Variants in CNTNAP2 observed in about 807,000 individuals in gnomAD.
CNTNAP2 encodes the protein contactin-associated protein-like 2.
In CNTNAP2, 98 loss-of-function variants were observed where a neutral mutation model predicts 155.2. The ratio of observed to expected loss-of-function variants is 0.63; its 90% CI spans 0.54 to 0.75. The LOEUF is 0.75. Ranked by LOEUF, CNTNAP2 falls within the 30% of genes least tolerant of loss-of-function variation. The pLI, the probability that CNTNAP2 is intolerant of heterozygous loss-of-function variation, is 0.00. For missense variants in CNTNAP2, 1,727 were observed against 1,688.1 expected, an observed-to-expected ratio of 1.02 and a Z score of -0.40; for synonymous variants, 651 against 631.2, an observed-to-expected ratio of 1.03 and a Z score of -0.47.
intron 1 of CNTNAP2, among the ~76,000 whole-genome samples, chr7:146,302,162 A>T (rs1800622980): frequency 6.6e-6 from 1 of 152,214 alleles, no homozygotes. Context: ...AAAGTAAGGC[A>T]TCATATACAA....
At chr7:147,766,508 C>T (rs1797386364) in intron 13 of CNTNAP2, among the ~76,000 whole-genome samples, 2 of 152,164 alleles carry the variant, frequency 1.3e-5, no homozygotes, top group South Asian at 2.1e-4. Context: ...TATAGTCCTC[C>T]TCTGGTATCC....
chr7:146,443,230 T>TAATAAATAAATA (rs540097334), intron 1 of CNTNAP2, among the ~76,000 whole-genome samples: 1,899 of 147,786 alleles, frequency 0.013, 44 homozygotes, highest in African/African-American at 0.041. Flanking sequence ...AATAAATAAA[T>TAATAAATAAATA]AATAAATAAA....
At chr7:146,629,363 C>T (rs1799472845) in intron 1 of CNTNAP2, among the ~76,000 whole-genome samples, 2 of 152,066 alleles carry the variant, frequency 1.3e-5, no homozygotes, top group African/African-American at 4.8e-5. Flanking sequence ...AAAACTTGTG[C>T]AGGAAGTTAA....
chr7:148,108,978 T>A (rs1237203734), intron 15 of CNTNAP2, among the ~76,000 whole-genome samples: 1 of 152,218 alleles, frequency 6.6e-6, no homozygotes, highest in Admixed American at 6.5e-5. Context: ...AATTTATGAT[T>A]TCTAAAAAAG....
intron 8 of CNTNAP2, among the ~76,000 whole-genome samples, chr7:147,142,723 G>A (rs1210852538): frequency 6.6e-6 from 1 of 152,066 alleles, no homozygotes; most frequent in Middle Eastern, 3.2e-3. Flanking sequence ...TGCATGTTGT[G>A]CACATGTACC....
At chr7:147,090,614 C>T (rs562685693) in intron 4 of CNTNAP2, among the ~76,000 whole-genome samples, 1 of 152,018 alleles carries the variant, frequency 6.6e-6, no homozygotes, top group African/African-American at 2.4e-5. Context: ...TTAGCATTAT[C>T]AAGCAACTAA....
At position 146,939,959 on chromosome 7, in the gene CNTNAP2, G is replaced by A. The variant is rs954196618; in HGVS notation, c.402+100055G>A. Among the ~76,000 whole-genome samples, 9 of 152,118 alleles carry A rather than the reference G, an allele frequency of 5.9e-5. No individual in the cohort carries two copies. The East Asian group carries it at 1.5e-3, about 26-fold the overall frequency. The stretch of plus-strand genomic sequence containing the variant: ...GTGTCGGCTTGCCAAAGTCTCACCG[G>A]ACTAATGCTTACAGCAGAATTTAAC... On this transcript the variant is annotated intron_variant, in intron 3 of 23. Transcript: ENST00000361727.
intron 10 of CNTNAP2, among the ~76,000 whole-genome samples, chr7:147,397,948 G>A (rs2888472): frequency 0.64 from 97,494 of 151,774 alleles, 32,420 homozygotes; most frequent in African/African-American, 0.82. Context: ...CCCATTATGG[G>A]ACCTATTTTT....
At chr7:147,416,441 T>C (rs35756055) in intron 10 of CNTNAP2, among the ~76,000 whole-genome samples, 28,199 of 152,122 alleles carry the variant, frequency 0.19, 3,142 homozygotes, top group Non-Finnish European at 0.25. Context: ...AGTGCAGACT[T>C]AGTTGGGTTT....
At chr7:146,796,975 A>T (rs1348503185) in intron 2 of CNTNAP2, among the ~76,000 whole-genome samples, 3 of 152,034 alleles carry the variant, frequency 2.0e-5, no homozygotes, top group African/African-American at 4.8e-5. Flanking sequence ...TCTCTACTAA[A>T]AATACAAAAA....
At chr7:147,447,522 TCTC>T (rs1479984652) in intron 10 of CNTNAP2, among the ~76,000 whole-genome samples, 1 of 151,988 alleles carries the variant, frequency 6.6e-6, no homozygotes, top group Non-Finnish European at 1.5e-5. Context: ...TTCAAGCAAT[TCTC>T]CTGTCTCAGC....
At chr7:147,121,558 T>C (rs1801112062) in intron 6 of CNTNAP2, 1 of 171,422 alleles carries the variant, frequency 5.8e-6, no homozygotes, top group Non-Finnish European at 1.3e-5. Flanking sequence ...GAATAAGAAA[T>C]CTTAGTTTCT....
chr7:147,121,174 T>C lies in CNTNAP2; in HGVS notation c.939+11T>C. Reference sequence around the variant, plus strand: ...GACTTGGACTATGAGGTACATGTGATGACGTAGAAATTGTAATAAAATGTC... The same window carrying C: ...GACTTGGACTATGAGGTACATGTGACGACGTAGAAATTGTAATAAAATGTC... On this transcript the variant is annotated intron_variant, in intron 6 of 23. Transcript: ENST00000361727. 1 of 1,613,574 alleles carries C rather than the reference T, an allele frequency of 6.2e-7. No homozygotes were observed. The highest frequency in any genetic ancestry group is 8.5e-7 in the Non-Finnish European group (1 of 1,179,510).
intron 13 of CNTNAP2, among the ~76,000 whole-genome samples, chr7:147,780,579 T>C (rs1389637580): frequency 2.0e-5 from 3 of 152,178 alleles, no homozygotes; most frequent in Non-Finnish European, 4.4e-5. Context: ...CAAAATGACA[T>C]TCAGGACCAA....
chr7:146,331,052 C>T (rs1405784364), intron 1 of CNTNAP2, among the ~76,000 whole-genome samples: 1 of 152,106 alleles, frequency 6.6e-6, no homozygotes, highest in Non-Finnish European at 1.5e-5. Flanking sequence ...CGCCTGTAAT[C>T]CCAGCACTTT....
intron 9 of CNTNAP2, among the ~76,000 whole-genome samples, chr7:147,325,589 T>G (rs34372271): frequency 0.035 from 5,313 of 152,312 alleles, 122 homozygotes; most frequent in Non-Finnish European, 0.053. Flanking sequence ...GTATAATTAT[T>G]GATTTGGCTT....
chr7:147,638,528 C>T (rs914115043), intron 12 of CNTNAP2, among the ~76,000 whole-genome samples: 11 of 152,164 alleles, frequency 7.2e-5, no homozygotes, highest in African/African-American at 2.7e-4. Flanking sequence ...GGGTCAAAAT[C>T]ACCAAGATAA....
At chr7:148,229,126 G>A (rs1465234979) in intron 19 of CNTNAP2, among the ~76,000 whole-genome samples, 2 of 152,150 alleles carry the variant, frequency 1.3e-5, no homozygotes, top group South Asian at 2.1e-4. Flanking sequence ...AAATATGTGC[G>A]AGCCTGGTGC....
chr7:147,008,780 G>T (rs2129243125), intron 3 of CNTNAP2, among the ~76,000 whole-genome samples: 1 of 152,188 alleles, frequency 6.6e-6, no homozygotes, highest in South Asian at 2.1e-4. Context: ...ATAAAGCCTA[G>T]TTCGTAAGGT....
Sources: allele counts gnomAD v4.1 joint callset (sites outside exome capture counted in the v4.1 genomes callset), GRCh38; gene constraint gnomAD v4.1.1; transcripts MANE v1.5; gene names NCBI Gene and HGNC (gene_info 2026-07-23, HGNC 2026-07-21).